The following VOPP1 variants were observed in gnomAD, a reference collection of about 807,000 sequenced individuals.
VOPP1 encodes VOPP1 WW domain binding protein.
In VOPP1, 8 loss-of-function variants were observed where a neutral mutation model predicts 23.5. That is an observed-to-expected ratio of 0.34 (90% CI 0.20 to 0.61). The LOEUF (loss-of-function observed/expected upper bound fraction) is 0.61, where lower values mean the gene tolerates loss of function less well. Among genes scored for constraint, VOPP1 ranks in the 20% least tolerant of loss-of-function variants. The probability of loss-of-function intolerance (pLI) is 0.78; values close to 1 mark genes in which losing one functional copy is unlikely to be tolerated. For missense variants in VOPP1, 174 were observed against 238.1 expected, an observed-to-expected ratio of 0.73 and a Z score of 1.77; for synonymous variants, 83 against 97.3, an observed-to-expected ratio of 0.85 and a Z score of 0.86.
At chr7:55,496,998 C>G (rs1485349191) in intron 3 of VOPP1, among the ~76,000 whole-genome samples, 2 of 152,214 alleles carry the variant, frequency 1.3e-5, no homozygotes, top group African/African-American at 4.8e-5. Flanking sequence ...TCTCCAGAGT[C>G]TAACAGATGC....
chr7:55,453,605 T>C (rs1411616154), intron 4 of VOPP1, among the ~76,000 whole-genome samples: 1 of 152,214 alleles, frequency 6.6e-6, no homozygotes, highest in Non-Finnish European at 1.5e-5. Flanking sequence ...AAGTACACCA[T>C]CTTGTATAGG....
At chr7:55,463,563 T>C (rs1791560375) in intron 4 of VOPP1, among the ~76,000 whole-genome samples, 1 of 152,216 alleles carries the variant, frequency 6.6e-6, no homozygotes, top group East Asian at 1.9e-4. Flanking sequence ...TATCTGTGAG[T>C]TCCTCAGTGG....
chr7:55,495,969 G>A (rs924236626), intron 3 of VOPP1, among the ~76,000 whole-genome samples: 5 of 152,236 alleles, frequency 3.3e-5, no homozygotes, highest in African/African-American at 9.6e-5. Flanking sequence ...CCAAGTCGTC[G>A]TGTGCTGCCT....
chr7:55,485,089 T>C (rs1583877705), intron 4 of VOPP1, among the ~76,000 whole-genome samples: 1 of 152,364 alleles, frequency 6.6e-6, no homozygotes, highest in East Asian at 1.9e-4. Context: ...CCTGGGATTC[T>C]GTGACCCTGT....
At chr7:55,435,158 TTGG>T (rs1439577283), downstream of VOPP1, among the ~76,000 whole-genome samples, 5 of 152,194 alleles carry the variant, frequency 3.3e-5, no homozygotes, top group African/African-American at 9.7e-5. Flanking sequence ...GATGGGACCA[TTGG>T]TGGTCCTCAG....
intron 1 of VOPP1, among the ~76,000 whole-genome samples, chr7:55,544,233 GC>G (rs1432961247): frequency 2.2e-4 from 33 of 152,166 alleles, no homozygotes; most frequent in African/African-American, 7.5e-4. Flanking sequence ...TAAATGTGTG[GC>G]CCAGCATGCT....
intron 4 of VOPP1, among the ~76,000 whole-genome samples, chr7:55,457,841 A>G (rs1028986876): frequency 1.3e-5 from 2 of 151,956 alleles, no homozygotes; most frequent in Admixed American, 1.3e-4. Flanking sequence ...TATTCTCAAT[A>G]TTAGTCCCTT....
chr7:55,538,470 A>T (rs1319893627), intron 1 of VOPP1: 1 of 625,882 alleles, frequency 1.6e-6, no homozygotes. Flanking sequence ...TCTAAACACA[A>T]GCCCTTCCTG....
At chr7:55,532,463 T>C (rs1416071003) in intron 1 of VOPP1, among the ~76,000 whole-genome samples, 2 of 152,262 alleles carry the variant, frequency 1.3e-5, no homozygotes, top group South Asian at 2.1e-4. Context: ...TGTCGGTTTA[T>C]TCTTGAGAAT....
At chr7:55,450,784 C>A (rs553282625) in intron 4 of VOPP1, among the ~76,000 whole-genome samples, 1 of 152,330 alleles carries the variant, frequency 6.6e-6, no homozygotes, top group East Asian at 1.9e-4. Context: ...GTAAGGGCTG[C>A]GCCCAGGCAG....
intron 4 of VOPP1, among the ~76,000 whole-genome samples, chr7:55,490,238 G>A (rs567336248): frequency 1.3e-4 from 20 of 152,208 alleles, no homozygotes; most frequent in African/African-American, 4.6e-4. Flanking sequence ...AGGAGCTGGT[G>A]GAGACCAGTG....
chr7:55,498,342 T>C (rs928699471), intron 2 of VOPP1, among the ~76,000 whole-genome samples: 6 of 152,036 alleles, frequency 3.9e-5, no homozygotes, highest in Admixed American at 1.3e-4. Context: ...CCTCCCCTCA[T>C]CCCCCAACGT....
At chr7:55,529,187 G>T (rs533716862) in intron 1 of VOPP1, among the ~76,000 whole-genome samples, 1 of 152,150 alleles carries the variant, frequency 6.6e-6, no homozygotes, top group Admixed American at 6.5e-5. Context: ...AGACCATCCT[G>T]GCTAACACAG....
chr7:55,560,082 G>A (rs1334303117), intron 1 of VOPP1, among the ~76,000 whole-genome samples: 2 of 152,234 alleles, frequency 1.3e-5, no homozygotes, highest in Non-Finnish European at 2.9e-5. Context: ...GAACCTGGGA[G>A]GCAGAGGTTG....
At chr7:55,519,066 T>A (rs1486292652) in intron 2 of VOPP1, among the ~76,000 whole-genome samples, 1 of 152,164 alleles carries the variant, frequency 6.6e-6, no homozygotes, top group Non-Finnish European at 1.5e-5. Flanking sequence ...TTAATTTACG[T>A]ACAGGGCACA....
At chr7:55,561,842 C>T (rs1584125627) in intron 1 of VOPP1, 2 of 651,886 alleles carry the variant, frequency 3.1e-6, no homozygotes, top group African/African-American at 1.8e-5. Flanking sequence ...AAGTCGGGGA[C>T]TTAACTCATA....
At chr7:55,482,560 C>T (rs1036935657) in intron 4 of VOPP1, among the ~76,000 whole-genome samples, 2 of 149,550 alleles carry the variant, frequency 1.3e-5, no homozygotes, top group African/African-American at 5.0e-5. Flanking sequence ...AGGGCGGTCT[C>T]GATCTCCTGA....
chr7:55,536,837 T>C (rs1796824778), intron 1 of VOPP1, among the ~76,000 whole-genome samples: 1 of 152,034 alleles, frequency 6.6e-6, no homozygotes, highest in South Asian at 2.1e-4. Flanking sequence ...CCCAGTCTGG[T>C]TGAGGTGGGC....
intron 1 of VOPP1, among the ~76,000 whole-genome samples, chr7:55,572,038 G>A (rs1434824518): frequency 1.3e-5 from 2 of 152,144 alleles, no homozygotes; most frequent in Admixed American, 6.5e-5. Context: ...CAGGGTGGGG[G>A]CGGGGTGCGA....
Sources: allele counts gnomAD v4.1 joint callset (sites outside exome capture counted in the v4.1 genomes callset), GRCh38; gene constraint gnomAD v4.1.1; transcripts MANE v1.5; gene names NCBI Gene and HGNC (gene_info 2026-07-23, HGNC 2026-07-21).